The following VGLL3 variants were observed in gnomAD, a reference collection of about 807,000 sequenced individuals.
The protein encoded by VGLL3 is transcription cofactor vestigial-like protein 3.
VGLL3 carries 18 observed loss-of-function variants against 29.2 expected under a neutral mutation model. That is an observed-to-expected ratio of 0.62 (90% confidence interval 0.43 to 0.91). VGLL3 has a LOEUF of 0.91. Ranked by LOEUF, VGLL3 falls within the 40% of genes least tolerant of loss-of-function variation. The pLI is 0.00. For synonymous variants in VGLL3, 180 were observed against 151.8 expected (o/e 1.19, Z -1.36); for missense variants, 440 against 413.2 (o/e 1.06, Z -0.56).
chr3:86,986,048 C>T (rs372720455), intron 1 of VGLL3, among the ~76,000 whole-genome samples: 2 of 91,772 alleles, frequency 2.2e-5, no homozygotes, highest in Non-Finnish European at 3.1e-5. Flanking sequence ...CACACGTATA[C>T]ACACACACAC....
chr3:86,977,396 G>GTCACTGC (rs1443087721), intron 2 of VGLL3, among the ~76,000 whole-genome samples: 4 of 152,146 alleles, frequency 2.6e-5, no homozygotes, highest in Non-Finnish European at 4.4e-5. Context: ...GGTACCACTA[G>GTCACTGC]TCACTGCTCA....
chr3:86,978,222 T>C (rs1299989094), intron 2 of VGLL3, among the ~76,000 whole-genome samples: 1 of 152,194 alleles, frequency 6.6e-6, no homozygotes, highest in African/African-American at 2.4e-5. Flanking sequence ...GAGATCCAAA[T>C]TGGGCCACTG....
chr3:86,982,600 T>C (rs1490017510), intron 1 of VGLL3, among the ~76,000 whole-genome samples: 1 of 152,164 alleles, frequency 6.6e-6, no homozygotes, highest in Admixed American at 6.5e-5. Context: ...AGACTAAATA[T>C]CAAATCATCA....
intron 3 of VGLL3, among the ~76,000 whole-genome samples, chr3:86,965,259 A>G (rs1246111784): frequency 6.6e-6 from 1 of 152,108 alleles, no homozygotes; most frequent in Non-Finnish European, 1.5e-5. Flanking sequence ...TGTGAAAATG[A>G]CCTATATTTT....
chr3:86,990,941 A>G lies in VGLL3; in HGVS notation c.-198T>C. The G allele has an allele frequency of 1.9e-6, 2 of 1,080,412 alleles. No individual in the cohort carries two copies. The highest frequency in any genetic ancestry group is 9.0e-5 in the South Asian group (2 of 22,148). 66.9% of individuals were successfully genotyped at this position (1,080,412 alleles called of 1,614,324 possible). A position where few individuals can be genotyped will look rare whatever the true frequency, so the allele number is the denominator to read the frequency against. On this transcript the variant is annotated 5_prime_UTR_variant, in exon 1 of 4. The change abolishes an upstream ATG in the 5' untranslated region. Transcript: ENST00000398399. ...AGGGACTGGCAATCAGCGGGGGCCC[A>G]TGCGCGGGCACCTTCATCTTCAGCC... is the stretch of plus-strand genomic sequence containing the variant.
Position 86,968,671 on chromosome 3 carries a change from T to C in VGLL3, c.856A>G (p.Thr286Ala). Residue 286 changes from threonine to alanine, a missense_variant, in exon 3 of 4, where the codon ACA becomes GCA. By Grantham distance (58) the Thr-to-Ala change is moderately conservative (BLOSUM62 0). Coordinates refer to ENST00000398399, the MANE Select transcript of VGLL3 (RefSeq NM_016206.4). The stretch of plus-strand genomic sequence containing the variant: ...CATGCTGAGGTAGCAGAGGTGACTG[T>C]AGTTGGTTCTGTCTTTGTGATGTCA... ...QCDITKTEPT[T>A]VTSATSAWAG... 1 of 1,614,164 alleles carries C rather than the reference T, an allele frequency of 6.2e-7. No individual in the cohort carries two copies. Among genetic ancestry groups the C allele is most frequent in the Non-Finnish European group, 8.5e-7 (1 of 1,180,026 alleles).
chr3:86,984,973 G>A (rs1705406983), intron 1 of VGLL3, among the ~76,000 whole-genome samples: 1 of 152,122 alleles, frequency 6.6e-6, no homozygotes, highest in Non-Finnish European at 1.5e-5. Context: ...AGCACAGATG[G>A]GAAGGGAATT....
chr3:86,957,429 C>T (rs535676981), intron 3 of VGLL3, among the ~76,000 whole-genome samples: 1 of 152,150 alleles, frequency 6.6e-6, no homozygotes, highest in Non-Finnish European at 1.5e-5. Context: ...AATTTTTTGT[C>T]GTAATGAACC....
chr3:86,981,823 A>C (rs1553707473), intron 1 of VGLL3, among the ~76,000 whole-genome samples: 2 of 152,138 alleles, frequency 1.3e-5, no homozygotes, highest in Non-Finnish European at 2.9e-5. Context: ...GAACCAATTT[A>C]AATATTTACG....
At chr3:86,976,219 A>G (rs557371381) in intron 2 of VGLL3, among the ~76,000 whole-genome samples, 1 of 152,218 alleles carries the variant, frequency 6.6e-6, no homozygotes, top group Admixed American at 6.5e-5. Flanking sequence ...AGCTCAGTCC[A>G]TCTTCAGGGC....
chr3:86,958,753 G>A (rs1221500141), intron 3 of VGLL3, among the ~76,000 whole-genome samples: 2 of 152,092 alleles, frequency 1.3e-5, no homozygotes, highest in African/African-American at 2.4e-5. Flanking sequence ...GGATCTCCTG[G>A]CATTTTGCAT....
At position 86,978,772 on chromosome 3, in the gene VGLL3, C is replaced by T. The variant is rs751767784; in HGVS notation, c.157G>A (p.Asp53Asn). 13 of 1,612,552 alleles carry T rather than the reference C, an allele frequency of 8.1e-6. No homozygotes were observed. Among genetic ancestry groups the T allele is most frequent in the Non-Finnish European group, 1.1e-5 (13 of 1,179,158 alleles). The change falls in exon 2 of 4, where the codon GAC becomes AAC. Residue 53 changes from aspartate (D) to asparagine (N), a missense_variant. Coordinates refer to ENST00000398399, the MANE Select transcript of VGLL3 (RefSeq NM_016206.4). ...CTGGGAAGGGTGACTTCCAGAGAGT[C>T]CTGCATCTTGCTGAATACCGCTAAC... ...KKLAVFSKMQ[D>N]SLEVTLPSKQ...
intron 3 of VGLL3, among the ~76,000 whole-genome samples, chr3:86,960,181 C>T (rs1704808451): frequency 6.6e-6 from 1 of 151,978 alleles, no homozygotes; most frequent in African/African-American, 2.4e-5. Flanking sequence ...ATTTTGAGAA[C>T]TTAAACCCAT....
At position 86,952,375 on chromosome 3, in the gene VGLL3, C is replaced by G. The variant is rs114845422; in HGVS notation, c.938-5308G>C. Reference sequence around the variant, plus strand: ...TCATAACCCACTAAATAAACATGCTCTACTTCTGAGAAAGTATAGTCATTT... The same window carrying G: ...TCATAACCCACTAAATAAACATGCTGTACTTCTGAGAAAGTATAGTCATTT... On this transcript the variant is annotated intron_variant, in intron 3 of 3. Coordinates refer to ENST00000398399, the MANE Select transcript of VGLL3 (RefSeq NM_016206.4). Among the ~76,000 whole-genome samples the G allele has an allele frequency of 1.8e-3, 276 of 152,288 alleles. 3 individuals are homozygous for G. The highest frequency in any genetic ancestry group is 6.1e-3 in the African/African-American group (253 of 41,548).
At chr3:86,964,074 G>A (rs73844420) in intron 3 of VGLL3, among the ~76,000 whole-genome samples, 13,014 of 152,144 alleles carry the variant, frequency 0.086, 1,486 homozygotes, top group African/African-American at 0.26. Flanking sequence ...TAAGAATGCA[G>A]GAGTGAATTT....
At position 86,968,954 on chromosome 3, in the gene VGLL3, G is replaced by T. The variant is rs878990085; in HGVS notation, c.573C>A (p.Asn191Lys). ...GAGGGGCTGGGCCAGTCTGATGCAG[G>T]TTGTGTCCCGGCCAAGGACTGGGAT... ...AADPSPWPGH[N>K]LHQTGPAPPP... Residue 191 changes from asparagine (N) to lysine (K), a missense_variant, in exon 3 of 4, where the codon AAC (asparagine) becomes AAA (lysine). By Grantham distance (94) the Asn-to-Lys change is moderately conservative. Transcript: ENST00000398399. The T allele has an allele frequency of 3.1e-6, 5 of 1,614,014 alleles. No individual in the cohort carries two copies. Among genetic ancestry groups the T allele is most frequent in the South Asian group, 2.2e-5 (2 of 91,070 alleles).
At position 86,939,980 on chromosome 3, in the gene VGLL3, T is replaced by C. The variant is rs1401688429; in HGVS notation, c.*7044A>G. ...ATAAATTTGTGTTGTTTTAGGCCGT[T>C]ATCGTTGTAGTAATGTAGTAATATT... On this transcript the variant is annotated 3_prime_UTR_variant, in exon 4 of 4. Coordinates refer to ENST00000398399, the MANE Select transcript of VGLL3 (RefSeq NM_016206.4). 6.6e-6 allele frequency: 1 copy of C among 152,184 alleles called. No homozygotes were observed. Among genetic ancestry groups the C allele is most frequent in the Non-Finnish European group, 1.5e-5 (1 of 68,032 alleles). 9.4% of individuals were successfully genotyped at this position (152,184 alleles called of 1,614,324 possible). A position where few individuals can be genotyped will look rare whatever the true frequency, so the allele number is the denominator to read the frequency against.
chr3:86,961,449 G>A (rs896817342), intron 3 of VGLL3, among the ~76,000 whole-genome samples: 6 of 152,070 alleles, frequency 3.9e-5, no homozygotes, highest in Non-Finnish European at 5.9e-5. Context: ...TAAAATGCCC[G>A]GAATGATTAT....
At chr3:86,952,107 T>G (rs992161855) in intron 3 of VGLL3, among the ~76,000 whole-genome samples, 2 of 152,098 alleles carry the variant, frequency 1.3e-5, no homozygotes, top group Admixed American at 1.3e-4. Context: ...TGAATAACTT[T>G]CTAGGAACAG....
Sources: gnomAD v4.1 joint callset for allele counts (sites outside exome capture counted in the v4.1 genomes callset) on GRCh38, gnomAD v4.1.1 for gene constraint, MANE v1.5 for transcripts, NCBI Gene and HGNC (gene_info 2026-07-23, HGNC 2026-07-21) for gene names.